ANXA8: variants seen among roughly 807,000 people sequenced by gnomAD.
ANXA8 encodes VAC-beta.
ANXA8 carries 9 observed loss-of-function variants against 26.8 expected under a neutral mutation model. The observed-to-expected ratio is 0.34, with a 90% CI of 0.20 to 0.59. ANXA8 has a LOEUF of 0.59. ANXA8 is among the 20% of genes least tolerant of loss of function. The pLI, the probability that ANXA8 is intolerant of heterozygous loss-of-function variation, is 0.84. For synonymous variants in ANXA8, 39 were observed against 94.8 expected (o/e 0.41, Z 3.42); for missense variants, 83 against 238.5 (o/e 0.35, Z 4.29).
the ANXA8 span, among the ~76,000 whole-genome samples, chr10:47,653,973 G>A: frequency 6.6e-6 from 1 of 150,886 alleles, no homozygotes; most frequent in South Asian, 2.1e-4. Flanking sequence ...AATGGGAATG[G>A]GTAGGAACAC....
the ANXA8 span, among the ~76,000 whole-genome samples, chr10:47,534,653 T>A: frequency 2.9e-3 from 287 of 99,912 alleles, 2 homozygotes; most frequent in East Asian, 0.016. Context: ...CCAGTTATAA[T>A]TTTTTTTTTT....
chr10:47,596,073 G>T, the ANXA8 span, among the ~76,000 whole-genome samples: 2 of 133,414 alleles, frequency 1.5e-5, no homozygotes, highest in African/African-American at 3.2e-5. Flanking sequence ...TTCTTGGACC[G>T]CAGTAGAATA....
At chr10:47,581,058 A>G in the ANXA8 span, among the ~76,000 whole-genome samples, 1 of 150,322 alleles carries the variant, frequency 6.7e-6, no homozygotes. Context: ...CTTGAGCAAC[A>G]GAGTGAGGCT....
At chr10:47,675,722 G>A in the ANXA8 span, among the ~76,000 whole-genome samples, 1 of 151,608 alleles carries the variant, frequency 6.6e-6, no homozygotes, top group South Asian at 2.1e-4. Flanking sequence ...AAGTTACAAG[G>A]CACAAGAAAA....
the ANXA8 span, among the ~76,000 whole-genome samples, chr10:47,504,846 CTTTTTTTTTTTT>C: frequency 3.8e-4 from 18 of 46,834 alleles, no homozygotes; most frequent in East Asian, 1.1e-3. Context: ...CATAACTGTT[CTTTTTTTTTTTT>C]TTTTTTTTTT....
chr10:47,519,170 A>G, the ANXA8 span, among the ~76,000 whole-genome samples: 45 of 136,722 alleles, frequency 3.3e-4, 8 homozygotes, highest in African/African-American at 1.2e-3. Flanking sequence ...ATGGTAATTT[A>G]AAAGGCTGTG....
the ANXA8 span, among the ~76,000 whole-genome samples, chr10:47,533,224 C>CACACATA: frequency 7.5e-6 from 1 of 133,092 alleles, no homozygotes; most frequent in African/African-American, 3.0e-5. Context: ...CACACACACA[C>CACACATA]CCCCGCAGAC....
the ANXA8 span, among the ~76,000 whole-genome samples, chr10:47,734,395 T>TAG: frequency 7.0e-6 from 1 of 143,332 alleles, no homozygotes; most frequent in Non-Finnish European, 1.5e-5. Context: ...TTGGGAAATA[T>TAG]GTCTTCTCTG....
the ANXA8 span, among the ~76,000 whole-genome samples, chr10:47,515,556 G>A: frequency 1.9e-5 from 1 of 54,038 alleles, no homozygotes; most frequent in Admixed American, 2.4e-4. Context: ...AAGTCTACCT[G>A]TCCTTCCATC....
chr10:47,756,662 C>T, the ANXA8 span, among the ~76,000 whole-genome samples: 1 of 152,308 alleles, frequency 6.6e-6, no homozygotes, highest in African/African-American at 2.4e-5. Context: ...CAGATGTGAA[C>T]ACAAACAGGT....
the ANXA8 span, among the ~76,000 whole-genome samples, chr10:47,777,591 C>G: frequency 6.6e-6 from 1 of 152,182 alleles, no homozygotes; most frequent in African/African-American, 2.4e-5. Flanking sequence ...AAAAACACAC[C>G]CACCAAATCC....
At chr10:47,587,477 C>G in the ANXA8 span, among the ~76,000 whole-genome samples, 1 of 146,226 alleles carries the variant, frequency 6.8e-6, no homozygotes, top group Admixed American at 6.6e-5. Context: ...AACTCATACT[C>G]CAGGCCCTTT....
the ANXA8 span, chr10:47,599,923 C>T: frequency 4.9e-4 from 74 of 150,240 alleles, 6 homozygotes; most frequent in African/African-American, 1.9e-3. Context: ...GCGGCCGTCG[C>T]CGGCACCCTG....
chr10:47,485,806 A>T (rs1840030638), upstream of ANXA8, among the ~76,000 whole-genome samples: 1 of 151,908 alleles, frequency 6.6e-6, no homozygotes, highest in African/African-American at 2.4e-5. Flanking sequence ...GCCTGACATC[A>T]GTCTCTAAAT....
the ANXA8 span, among the ~76,000 whole-genome samples, chr10:47,733,181 CTT>C: frequency 1.8e-5 from 2 of 112,508 alleles, no homozygotes; most frequent in African/African-American, 5.7e-5. Context: ...TTCTTTCTTT[CTT>C]TCTTTCTTTC....
the ANXA8 span, among the ~76,000 whole-genome samples, chr10:47,763,827 T>G: frequency 2.7e-5 from 4 of 145,592 alleles, no homozygotes; most frequent in South Asian, 2.3e-4. Flanking sequence ...GAGTGCGTGT[T>G]TTGGGGGGAT....
At chr10:47,485,094 T>C (rs1357713291), upstream of ANXA8, among the ~76,000 whole-genome samples, 3 of 151,612 alleles carry the variant, frequency 2.0e-5, no homozygotes, top group Admixed American at 2.0e-4. Context: ...ACAGGTATCA[T>C]TTTTGGAGCT....
At chr10:47,682,663 G>A in the ANXA8 span, among the ~76,000 whole-genome samples, 2 of 151,446 alleles carry the variant, frequency 1.3e-5, no homozygotes, top group Admixed American at 1.3e-4. Context: ...TAGAGACGGG[G>A]GTTTTGTCGT....
At chr10:47,922,400 AG>A in the ANXA8 span, 1 of 590,838 alleles carries the variant, frequency 1.7e-6, no homozygotes, top group East Asian at 2.9e-5. Context: ...GTGGCCCTGG[AG>A]AGGCATCAGC....
Sources: gnomAD v4.1 joint callset for allele counts (sites outside exome capture counted in the v4.1 genomes callset) on GRCh38, gnomAD v4.1.1 for gene constraint, MANE v1.5 for transcripts, NCBI Gene and HGNC (gene_info 2026-07-23, HGNC 2026-07-21) for gene names.